The following UBE3D variants were observed in gnomAD, a reference collection of about 807,000 sequenced individuals.
UBE3D encodes E3 ubiquitin-protein ligase E3D.
In UBE3D, 48 loss-of-function variants were observed where a neutral mutation model predicts 49.6. The observed-to-expected ratio is 0.97, with a 90% CI of 0.77 to 1.23. The LOEUF is 1.23. Ranked by LOEUF, UBE3D falls within the 50% of genes most tolerant of loss-of-function variation. UBE3D has a pLI of 0.00. For synonymous variants in UBE3D, 189 were observed against 174.2 expected (o/e 1.08, Z -0.67); for missense variants, 452 against 468.4 (o/e 0.96, Z 0.32).
intron 9 of UBE3D, among the ~76,000 whole-genome samples, chr6:82,894,519 A>G (rs1771171042): frequency 6.6e-6 from 1 of 152,082 alleles, no homozygotes; most frequent in Admixed American, 6.6e-5. Context: ...GGCTGGCATT[A>G]ACTGGTCCCC....
At chr6:82,894,198 C>G (rs900785732) in intron 9 of UBE3D, among the ~76,000 whole-genome samples, 1 of 152,142 alleles carries the variant, frequency 6.6e-6, no homozygotes, top group Non-Finnish European at 1.5e-5. Context: ...CCCCACCCCC[C>G]CAACCATTTC....
At chr6:83,051,849 C>T (rs1783490560) in intron 3 of UBE3D, among the ~76,000 whole-genome samples, 1 of 152,178 alleles carries the variant, frequency 6.6e-6, no homozygotes, top group African/African-American at 2.4e-5. Context: ...CTCACTTATG[C>T]CAGAGTAACT....
At chr6:82,929,583 G>C (rs1381408495) in intron 9 of UBE3D, among the ~76,000 whole-genome samples, 1 of 151,626 alleles carries the variant, frequency 6.6e-6, no homozygotes, top group Admixed American at 6.6e-5. Context: ...GTTCTGGTTG[G>C]GGGGGTGGGG....
At chr6:83,037,515 T>C (rs1582710426) in intron 5 of UBE3D, 1 of 152,220 alleles carries the variant, frequency 6.6e-6, no homozygotes, top group Non-Finnish European at 1.5e-5. Flanking sequence ...TTAAGGATGG[T>C]ACCTTTTACT....
intron 8 of UBE3D, among the ~76,000 whole-genome samples, chr6:82,976,161 G>A (rs915073101): frequency 6.6e-6 from 1 of 152,184 alleles, no homozygotes; most frequent in Non-Finnish European, 1.5e-5. Context: ...GGGGAATGTG[G>A]CTTCTTTGGA....
intron 9 of UBE3D, among the ~76,000 whole-genome samples, chr6:82,915,988 A>C (rs1772888131): frequency 6.6e-6 from 1 of 152,184 alleles, no homozygotes; most frequent in African/African-American, 2.4e-5. Flanking sequence ...GGTCTCTAAT[A>C]GTCATTGAAG....
chr6:82,926,334 T>G (rs1324032503), intron 9 of UBE3D, among the ~76,000 whole-genome samples: 3 of 152,168 alleles, frequency 2.0e-5, no homozygotes, highest in African/African-American at 7.2e-5. Context: ...TTCCATTGTC[T>G]GTATGTATCA....
chr6:82,982,197 C>T (rs1337669248), intron 8 of UBE3D, among the ~76,000 whole-genome samples: 1 of 152,182 alleles, frequency 6.6e-6, no homozygotes. Flanking sequence ...CCAATACTCT[C>T]AACCCCTGGA....
intron 8 of UBE3D, among the ~76,000 whole-genome samples, chr6:82,960,998 C>A (rs1776509066): frequency 6.6e-6 from 1 of 152,078 alleles, no homozygotes; most frequent in African/African-American, 2.4e-5. Flanking sequence ...GAATCTCTTG[C>A]CCTGGATTGT....
intron 9 of UBE3D, among the ~76,000 whole-genome samples, chr6:82,937,961 T>A (rs1180411697): frequency 6.6e-6 from 1 of 152,040 alleles, no homozygotes; most frequent in Admixed American, 6.5e-5. Flanking sequence ...ATCAACTCCA[T>A]CCTCTTGGAG....
intron 4 of UBE3D, among the ~76,000 whole-genome samples, chr6:83,040,759 T>G (rs973530468): frequency 6.6e-6 from 1 of 152,180 alleles, no homozygotes; most frequent in African/African-American, 2.4e-5. Flanking sequence ...ACTCCCAAAG[T>G]GGGCCCCACA....
intron 9 of UBE3D, among the ~76,000 whole-genome samples, chr6:82,918,288 AAC>A (rs1474531575): frequency 5.6e-5 from 6 of 106,296 alleles, no homozygotes; most frequent in Admixed American, 8.6e-5. Context: ...CAACAACAAC[AAC>A]AAAAAAAAAA....
At chr6:82,976,999 A>C (rs1257546663) in intron 8 of UBE3D, among the ~76,000 whole-genome samples, 1 of 151,142 alleles carries the variant, frequency 6.6e-6, no homozygotes, top group Non-Finnish European at 1.5e-5. Flanking sequence ...CTGTAGTCCC[A>C]GCTACTCGGG....
At chr6:82,914,877 T>A (rs1772800983) in intron 9 of UBE3D, among the ~76,000 whole-genome samples, 1 of 151,744 alleles carries the variant, frequency 6.6e-6, no homozygotes, top group Admixed American at 6.6e-5. Flanking sequence ...AAAGAACCTA[T>A]GTCCATCCTC....
At chr6:82,983,023 T>G (rs1263526000) in intron 8 of UBE3D, among the ~76,000 whole-genome samples, 1 of 152,118 alleles carries the variant, frequency 6.6e-6, no homozygotes, top group Non-Finnish European at 1.5e-5. Flanking sequence ...GGTCTCACTC[T>G]GTTACCCAGG....
chr6:83,032,387 G>T, intron 5 of UBE3D: 1 of 420,486 alleles, frequency 2.4e-6, no homozygotes, highest in East Asian at 7.2e-5. Flanking sequence ...AGACTTGCAT[G>T]GGGCCTTTAG....
intron 9 of UBE3D, among the ~76,000 whole-genome samples, chr6:82,907,622 G>A (rs1407104310): frequency 6.6e-6 from 1 of 152,116 alleles, no homozygotes; most frequent in Non-Finnish European, 1.5e-5. Context: ...GGTTGTTAGG[G>A]AAATGCAAAT....
chr6:82,903,377 A>G (rs1264388572), intron 9 of UBE3D, among the ~76,000 whole-genome samples: 1 of 152,104 alleles, frequency 6.6e-6, no homozygotes, highest in Non-Finnish European at 1.5e-5. Context: ...AGTAAATCCT[A>G]CTCTTAAGAG....
intron 8 of UBE3D, among the ~76,000 whole-genome samples, chr6:82,994,856 C>A (rs781657712): frequency 6.6e-6 from 1 of 152,170 alleles, no homozygotes; most frequent in Admixed American, 6.6e-5. Flanking sequence ...TAATGAGTTT[C>A]TTCTACCTTG....
Sources: allele counts gnomAD v4.1 joint callset (sites outside exome capture counted in the v4.1 genomes callset), GRCh38; gene constraint gnomAD v4.1.1; transcripts MANE v1.5; gene names NCBI Gene and HGNC (gene_info 2026-07-23, HGNC 2026-07-21).